The following HINFP variants were observed in gnomAD, a reference collection of about 807,000 sequenced individuals.
The protein encoded by HINFP is histone H4 transcription factor.
A neutral mutation model predicts 50.1 loss-of-function variants in HINFP; 20 were observed. The ratio of observed to expected loss-of-function variants is 0.40; its 90% CI spans 0.28 to 0.58. The LOEUF is 0.58. HINFP is among the 20% of genes least tolerant of loss of function. The pLI, the probability that HINFP is intolerant of heterozygous loss-of-function variation, is 0.45. For synonymous variants in HINFP, 247 were observed against 243.7 expected (o/e 1.01, Z -0.13); for missense variants, 505 against 664.1 (o/e 0.76, Z 2.63).
chr11:119,122,345 A>G (rs1475921627), intron 1 of HINFP, among the ~76,000 whole-genome samples: 1 of 151,976 alleles, frequency 6.6e-6, no homozygotes, highest in Non-Finnish European at 1.5e-5. Flanking sequence ...CAGCAGGTGT[A>G]TGTTTAGAAT....
chr11:119,125,215 T>G (rs1947325862), intron 1 of HINFP: 1 of 151,816 alleles, frequency 6.6e-6, no homozygotes, highest in Non-Finnish European at 1.5e-5. Flanking sequence ...ATTTTTGTAT[T>G]TTTAGTAGAG....
At chr11:119,132,058 G>T (rs73562872) in intron 5 of HINFP, 76 bp downstream of exon 5, 143,323 of 1,539,838 alleles carry the variant, frequency 0.093, 9,497 homozygotes, top group South Asian at 0.29. Context: ...TCTAGTGGGG[G>T]TGGCCACTGA....
In HINFP at chr11:119,131,897, AG is replaced by A; in HGVS notation, c.592del (p.Val198TrpfsTer2). ...ACCTCCGCAGCCATACCCAGGAGAA[AG>A]TGGTAGCCTGCCCCACCTGTGGGGG... ...EHLRSHTQEK[V>X]VACPTCGGMF... On this transcript the variant is annotated frameshift_variant, in exon 5 of 10. Coordinates refer to ENST00000350777, the MANE Select transcript of HINFP (RefSeq NM_198971.3). LOFTEE classifies it high-confidence loss of function. The surrounding 1 kb of genome is among the most constrained non-coding windows in gnomAD (Gnocchi z 4.2). The A allele has an allele frequency of 6.2e-7, 1 of 1,614,184 alleles. No individual in the cohort carries two copies. The highest frequency in any genetic ancestry group is 8.5e-7 in the Non-Finnish European group (1 of 1,180,030).
At position 119,131,039 on chromosome 11, in the gene HINFP, A is replaced by G; in HGVS notation, c.411+85A>G. Reference sequence around the variant, plus strand: ...CTTGTCCCTTTCAGGGATGCCTTATATTTCCAAGATTCCTGCTAGTATCTC... The same window carrying G: ...CTTGTCCCTTTCAGGGATGCCTTATGTTTCCAAGATTCCTGCTAGTATCTC... On this transcript the variant is annotated intron_variant, in intron 3 of 9. Coordinates refer to ENST00000350777, the MANE Select transcript of HINFP (RefSeq NM_198971.3). The surrounding 1 kb of genome is among the most constrained non-coding windows in gnomAD (Gnocchi z 4.2). 3.8e-6 allele frequency: 4 copies of G among 1,062,742 alleles called. No individual in the cohort carries two copies. Among genetic ancestry groups the G allele is most frequent in the Non-Finnish European group, 5.8e-6 (4 of 684,866 alleles). 65.8% of individuals were successfully genotyped at this position (1,062,742 alleles called of 1,614,324 possible).
Position 119,134,692 on chromosome 11 carries a change from G to T in HINFP, c.*194G>T, listed in dbSNP as rs1947979552. 3 of 529,060 alleles carry T rather than the reference G, an allele frequency of 5.7e-6. No individual in the cohort carries two copies. The highest frequency in any genetic ancestry group is 1.0e-5 in the Non-Finnish European group (3 of 299,298). The allele number at this position is 529,060 out of a possible 1,614,324, so 32.8% of individuals were successfully genotyped here. ...TCCCTTTTCTGCCAGACTACATTTT[G>T]TGGGGAGCCTGAGGACTCTGGATTC... is the stretch of plus-strand genomic sequence containing the variant. On this transcript the variant is annotated 3_prime_UTR_variant, in exon 10 of 10. Coordinates refer to ENST00000350777, the MANE Select transcript of HINFP (RefSeq NM_198971.3). The surrounding 1 kb of genome is among the most constrained non-coding windows in gnomAD (Gnocchi z 4.3).
Position 119,134,471 on chromosome 11 carries a change from TGAG to T in HINFP, c.1531_1533del (p.Glu511del). The T allele has an allele frequency of 6.2e-7, 1 of 1,608,022 alleles. No homozygotes were observed. The highest frequency in any genetic ancestry group is 8.5e-7 in the Non-Finnish European group (1 of 1,176,030). ...TCATGGAAAAGCTTCAAGGAATAGCTGAGGAGCCAGAGATCCAGATGGTTTGAA... is the reference window on the plus strand; with the variant it reads ...TCATGGAAAAGCTTCAAGGAATAGCTGAGCCAGAGATCCAGATGGTTTGAA... On this transcript the variant is annotated inframe_deletion, in exon 10 of 10. Transcript: ENST00000350777. The surrounding 1 kb of genome is among the most constrained non-coding windows in gnomAD (Gnocchi z 4.3).
Position 119,131,781 on chromosome 11 carries a change from G to A in HINFP, c.524-49G>A, listed in dbSNP as rs1428251605. On this transcript the variant is annotated intron_variant, in intron 4 of 9. Transcript: ENST00000350777. The surrounding 1 kb of genome is among the most constrained non-coding windows in gnomAD (Gnocchi z 4.2). ...AGAGACTCAGGGGTACCAGATCCTA[G>A]GCAAAACTGGGGTTTTGTGGCAGGA... The A allele has an allele frequency of 6.2e-7, 1 of 1,611,588 alleles. No homozygotes were observed. Among genetic ancestry groups the A allele is most frequent in the Non-Finnish European group, 8.5e-7 (1 of 1,178,740 alleles).
chr11:119,130,375 C>G (rs1016849457), intron 2 of HINFP: 1 of 272,916 alleles, frequency 3.7e-6, no homozygotes, highest in African/African-American at 2.3e-5. Context: ...TGTCAAATGA[C>G]CTCTGTTTAA....
intron 2 of HINFP, chr11:119,127,334 A>C: frequency 2.3e-6 from 1 of 443,840 alleles, no homozygotes; most frequent in African/African-American, 2.0e-5. Context: ...TGCCATCAAG[A>C]AGTAATTGCT....
rs980484602 is a variant in HINFP at position 119,131,374 on chromosome 11, C to T, written c.412-161C>T. The stretch of plus-strand genomic sequence containing the variant: ...AAAGTGCTGGGATTACAGGGTTTAG[C>T]AACCGCACCCGGCCACTCCTCCATT... On this transcript the variant is annotated intron_variant, in intron 3 of 9. Coordinates refer to ENST00000350777, the MANE Select transcript of HINFP (RefSeq NM_198971.3). This position sits in a 1 kb window ranked among gnomAD's most constrained non-coding sequence, Gnocchi z 4.2. 1.4e-5 allele frequency: 9 copies of T among 638,564 alleles called. No individual in the cohort carries two copies. The highest frequency in any genetic ancestry group is 2.8e-5 in the East Asian group (1 of 35,874). 39.6% of individuals were successfully genotyped at this position (638,564 alleles called of 1,614,324 possible). A position where few individuals can be genotyped will look rare whatever the true frequency, so the allele number is the denominator to read the frequency against.
chr11:119,129,010 T>C (rs1485121969), intron 2 of HINFP, among the ~76,000 whole-genome samples: 2 of 151,790 alleles, frequency 1.3e-5, no homozygotes, highest in Non-Finnish European at 2.9e-5. Context: ...TACTAATAAG[T>C]GTGGCAGGAT....
At position 119,132,895 on chromosome 11, in the gene HINFP, C is replaced by G. The variant is rs758004053; in HGVS notation, c.907C>G (p.Leu303Val). 2 of 1,614,232 alleles carry G rather than the reference C, an allele frequency of 1.2e-6. No homozygotes were observed. The highest frequency in any genetic ancestry group is 2.2e-5 in the South Asian group (2 of 91,088). The stretch of plus-strand genomic sequence containing the variant: ...GAATCTTATTGACCTCCAGAAGCAC[C>G]TGGATACCCACAGCGAGGAGCCAGC... ...CKNLIDLQKH[L>V]DTHSEEPAYR... is the part of the protein sequence containing the mutation. Residue 303 changes from leucine (L) to valine (V), a missense_variant, in exon 8 of 10, where the codon CTG becomes GTG. Leu to Val is a conservative substitution (Grantham distance 32, BLOSUM62 1). Transcript: ENST00000350777.
At chr11:119,123,706 G>GATTTTTTTTTTTTTT (rs1391582883) in intron 1 of HINFP, 1 of 74,162 alleles carries the variant, frequency 1.3e-5, no homozygotes. Flanking sequence ...CACATCGGCT[G>GATTTTTTTTTTTTTT]TTTTTTTTTT....
At chr11:119,129,045 CTT>C (rs1297371033) in intron 2 of HINFP, among the ~76,000 whole-genome samples, 2 of 151,616 alleles carry the variant, frequency 1.3e-5, no homozygotes, top group African/African-American at 4.8e-5. Flanking sequence ...AAAAAAAAAA[CTT>C]TTTTTCAGAG....
At position 119,131,500 on chromosome 11, in the gene HINFP, C is replaced by A; in HGVS notation, c.412-35C>A. On this transcript the variant is annotated intron_variant, in intron 3 of 9. Transcript: ENST00000350777. This position sits in a 1 kb window ranked among gnomAD's most constrained non-coding sequence, Gnocchi z 4.2. ...ACATAGGGGTGAGTCCCTCTACCCA[C>A]CCTCAGTCCTCACCCCAAGTTGCCC... 7.0e-7 allele frequency: 1 copy of A among 1,436,688 alleles called. No individual in the cohort carries two copies. Among genetic ancestry groups the A allele is most frequent in the Non-Finnish European group, 9.8e-7 (1 of 1,017,814 alleles). The allele number at this position is 1,436,688 out of a possible 1,614,324, so 89.0% of individuals were successfully genotyped here.
intron 1 of HINFP, among the ~76,000 whole-genome samples, chr11:119,123,451 G>A (rs1005716062): frequency 7.9e-5 from 12 of 152,160 alleles, no homozygotes; most frequent in Non-Finnish European, 1.3e-4. Context: ...TACTGTAATA[G>A]TCAGAGGAGG....
rs1947732148 is a variant in HINFP at position 119,131,170 on chromosome 11, C to T, written c.411+216C>T. 1.5e-6 allele frequency: 1 copy of T among 676,182 alleles called. No individual in the cohort carries two copies. The highest frequency in any genetic ancestry group is 2.7e-6 in the Non-Finnish European group (1 of 370,136). 41.9% of individuals were successfully genotyped at this position (676,182 alleles called of 1,614,324 possible). On this transcript the variant is annotated intron_variant, in intron 3 of 9. Coordinates refer to ENST00000350777, the MANE Select transcript of HINFP (RefSeq NM_198971.3). This position sits in a 1 kb window ranked among gnomAD's most constrained non-coding sequence, Gnocchi z 4.2. ...GTGGTACAATCATAGCTCACTGTAA[C>T]CTTGAACTCCTGGGCTCAAGCAATC...
Position 119,130,857 on chromosome 11 carries a change from G to A in HINFP, c.314G>A (p.Ser105Asn), listed in dbSNP as rs199959152. The change falls in exon 3 of 10, where the codon AGC (serine) becomes AAC (asparagine). Residue 105 changes from serine to asparagine, a missense_variant. Transcript: ENST00000350777. Reference protein sequence around the residue: ...LKQWGLQALQSQADLGPCILD... With the variant: ...LKQWGLQALQNQADLGPCILD... ...CAGTGGGGGCTGCAGGCCTTGCAAA[G>A]CCAGGCTGACCTTGGCCCCTGCATC... 6.8e-6 allele frequency: 11 copies of A among 1,614,086 alleles called. No homozygotes were observed. The highest frequency in any genetic ancestry group is 9.3e-6 in the Non-Finnish European group (11 of 1,180,046).
chr11:119,125,439 G>A (rs948784314), intron 1 of HINFP: 1 of 152,192 alleles, frequency 6.6e-6, no homozygotes, highest in Admixed American at 6.5e-5. Context: ...GGAGTCTGAG[G>A]CAGATGGGTT....
Sources: allele counts gnomAD v4.1 joint callset (sites outside exome capture counted in the v4.1 genomes callset), GRCh38; gene constraint gnomAD v4.1.1; non-coding constraint Gnocchi (gnomAD v3.1); transcripts MANE v1.5; gene names NCBI Gene and HGNC (gene_info 2026-07-23, HGNC 2026-07-21).